Variants in PPP2R2B observed in about 807,000 individuals in gnomAD.
PPP2R2B encodes the protein serine/threonine-protein phosphatase 2A 55 kDa regulatory subunit B beta isoform.
PPP2R2B carries 5 observed loss-of-function variants against 46.0 expected under a neutral mutation model. That is an observed-to-expected ratio of 0.11 (90% CI 0.06 to 0.23). PPP2R2B has a LOEUF of 0.23. Ranked by LOEUF, PPP2R2B falls within the 10% of genes least tolerant of loss-of-function variation. The pLI, the probability that PPP2R2B is intolerant of heterozygous loss-of-function variation, is 1.00. For synonymous variants in PPP2R2B, 215 were observed against 206.7 expected (o/e 1.04, Z -0.34); for missense variants, 367 against 575.0 (o/e 0.64, Z 3.70).
At chr5:146,979,068 C>G (rs1019455601) in intron 1 of PPP2R2B, among the ~76,000 whole-genome samples, 2 of 152,132 alleles carry the variant, frequency 1.3e-5, no homozygotes, top group Admixed American at 6.5e-5. Context: ...CTCTCTTTTC[C>G]CATTTCTACT....
chr5:146,991,521 G>T (rs1753698277), intron 1 of PPP2R2B, among the ~76,000 whole-genome samples: 2 of 152,062 alleles, frequency 1.3e-5, no homozygotes, highest in African/African-American at 4.8e-5. Context: ...ATAGTAGGGT[G>T]ACTTTAGCAA....
intron 2 of PPP2R2B, among the ~76,000 whole-genome samples, chr5:146,818,190 C>T (rs568711179): frequency 1.3e-5 from 2 of 152,206 alleles, no homozygotes; most frequent in East Asian, 1.9e-4. Flanking sequence ...ACGTCTTTCC[C>T]GCCAAATTTT....
At chr5:146,954,889 C>T (rs1393396926) in intron 1 of PPP2R2B, among the ~76,000 whole-genome samples, 2 of 151,908 alleles carry the variant, frequency 1.3e-5, no homozygotes, top group African/African-American at 4.8e-5. Flanking sequence ...AAACCAGGTA[C>T]AATCCCATAG....
At chr5:146,861,379 G>C (rs916362432) in intron 2 of PPP2R2B, among the ~76,000 whole-genome samples, 1 of 151,654 alleles carries the variant, frequency 6.6e-6, no homozygotes, top group African/African-American at 2.4e-5. Context: ...TTTTAGTAGA[G>C]GTGGGGTTTC....
intron 1 of PPP2R2B, among the ~76,000 whole-genome samples, chr5:146,884,102 T>G (rs576037263): frequency 2.8e-4 from 42 of 150,574 alleles, no homozygotes; most frequent in Admixed American, 2.5e-3. Context: ...TTTTTTTTTT[T>G]TTTTTTTTTT....
At chr5:146,599,065 A>AG (rs950310363) in intron 8 of PPP2R2B, among the ~76,000 whole-genome samples, 1 of 152,172 alleles carries the variant, frequency 6.6e-6, no homozygotes, top group African/African-American at 2.4e-5. Flanking sequence ...AGCTTAAAAT[A>AG]GGGTTAGTTT....
At chr5:146,753,501 G>T (rs994873887) in intron 2 of PPP2R2B, among the ~76,000 whole-genome samples, 1 of 152,148 alleles carries the variant, frequency 6.6e-6, no homozygotes, top group Non-Finnish European at 1.5e-5. Flanking sequence ...AAGTAGAAAT[G>T]AACTAGGCCA....
chr5:146,714,229 G>C (rs1488408322), intron 2 of PPP2R2B, among the ~76,000 whole-genome samples: 1 of 152,166 alleles, frequency 6.6e-6, no homozygotes, highest in Non-Finnish European at 1.5e-5. Flanking sequence ...CAAGCTAAAA[G>C]TTTAGAGTAA....
intron 1 of PPP2R2B, among the ~76,000 whole-genome samples, chr5:146,989,627 C>T (rs904344143): frequency 1.3e-5 from 2 of 151,944 alleles, no homozygotes; most frequent in Admixed American, 1.3e-4. Flanking sequence ...CATGACAAAA[C>T]CAGAGCTAAC....
At chr5:146,653,054 C>T (rs1020890364) in intron 5 of PPP2R2B, among the ~76,000 whole-genome samples, 2 of 152,178 alleles carry the variant, frequency 1.3e-5, no homozygotes, top group Non-Finnish European at 2.9e-5. Context: ...GTCAAGTATT[C>T]TTCATACATA....
intron 6 of PPP2R2B, among the ~76,000 whole-genome samples, chr5:146,641,842 C>T (rs892146725): frequency 6.6e-6 from 1 of 152,106 alleles, no homozygotes; most frequent in Non-Finnish European, 1.5e-5. Flanking sequence ...TGCATTTTGA[C>T]AGTCACTTTT....
chr5:146,901,969 C>T (rs1008061687), intron 1 of PPP2R2B, among the ~76,000 whole-genome samples: 21 of 152,076 alleles, frequency 1.4e-4, no homozygotes, highest in African/African-American at 4.6e-4. Flanking sequence ...CCATAATTCA[C>T]GGGGCCTGTA....
chr5:146,948,198 C>T (rs1186240480), intron 1 of PPP2R2B, among the ~76,000 whole-genome samples: 1 of 152,064 alleles, frequency 6.6e-6, no homozygotes, highest in Non-Finnish European at 1.5e-5. Flanking sequence ...ATTCAACATT[C>T]AGAGGCAGGA....
intron 1 of PPP2R2B, among the ~76,000 whole-genome samples, chr5:147,038,392 T>C (rs1367834764): frequency 6.6e-6 from 1 of 152,190 alleles, no homozygotes; most frequent in African/African-American, 2.4e-5. Context: ...GGGCCTAGAA[T>C]CAATTTAATG....
chr5:146,958,725 T>C (rs1752033344), intron 1 of PPP2R2B, among the ~76,000 whole-genome samples: 1 of 152,336 alleles, frequency 6.6e-6, no homozygotes, highest in South Asian at 2.1e-4. Context: ...TGAAAGGCCA[T>C]AGTATAAATC....
At chr5:147,023,384 A>T (rs1173286387) in intron 1 of PPP2R2B, among the ~76,000 whole-genome samples, 2 of 152,168 alleles carry the variant, frequency 1.3e-5, no homozygotes, top group Non-Finnish European at 2.9e-5. Flanking sequence ...AAATAGAGAA[A>T]ATAGCAAGAT....
intron 4 of PPP2R2B, among the ~76,000 whole-genome samples, chr5:146,694,438 T>C (rs745460437): frequency 6.6e-6 from 1 of 152,222 alleles, no homozygotes; most frequent in African/African-American, 2.4e-5. Flanking sequence ...GGCTTTGGAA[T>C]GTATCCCATC....
intron 1 of PPP2R2B, among the ~76,000 whole-genome samples, chr5:146,905,879 T>A (rs1762980321): frequency 6.6e-6 from 1 of 152,162 alleles, no homozygotes; most frequent in African/African-American, 2.4e-5. Flanking sequence ...AGTCAGCTTT[T>A]GGGGATGATG....
intron 1 of PPP2R2B, among the ~76,000 whole-genome samples, chr5:146,986,199 G>T (rs1448109753): frequency 1.3e-5 from 2 of 152,168 alleles, no homozygotes; most frequent in Non-Finnish European, 2.9e-5. Context: ...TGCAGAGAAA[G>T]AATCTATCAG....
Sources: gnomAD v4.1 joint callset for allele counts (sites outside exome capture counted in the v4.1 genomes callset) on GRCh38, gnomAD v4.1.1 for gene constraint, MANE v1.5 for transcripts, NCBI Gene and HGNC (gene_info 2026-07-23, HGNC 2026-07-21) for gene names.